Variants in SND1 observed in about 807,000 individuals in gnomAD.
The protein encoded by SND1 is staphylococcal nuclease and tudor domain containing 1, also known as staphylococcal nuclease domain-containing protein 1.
SND1 carries 38 observed loss-of-function variants against 121.7 expected under a neutral mutation model. That is an observed-to-expected ratio of 0.31 (90% CI 0.24 to 0.41). The LOEUF is 0.41. SND1 is among the 10% of genes least tolerant of loss of function. The probability of loss-of-function intolerance (pLI) is 1.00; values close to 1 mark genes in which losing one functional copy is unlikely to be tolerated. For synonymous variants in SND1, 401 were observed against 447.4 expected (o/e 0.90, Z 1.31); for missense variants, 868 against 1,184.6 (o/e 0.73, Z 3.92).
At chr7:127,678,149 G>A (rs1795646666) in intron 1 of SND1, among the ~76,000 whole-genome samples, 1 of 152,168 alleles carries the variant, frequency 6.6e-6, no homozygotes, top group Non-Finnish European at 1.5e-5. Flanking sequence ...GCTCCCAAAT[G>A]CTTGTTTGTA....
intron 22 of SND1, among the ~76,000 whole-genome samples, chr7:128,091,260 G>C (rs1043450394): frequency 1.3e-5 from 2 of 152,210 alleles, no homozygotes; most frequent in African/African-American, 2.4e-5. Flanking sequence ...ACCGGGTCTG[G>C]AGTACAATGG....
rs772889415 is a variant in SND1 at position 128,029,453 on chromosome 7, G to T, written c.1779+38397G>T. The T allele has an allele frequency of 1.2e-6, 2 of 1,614,206 alleles. No homozygotes were observed. The highest frequency in any genetic ancestry group is 1.7e-6 in the Non-Finnish European group (2 of 1,180,034). ...TGAGGACAGAGATCCTTGGGTGGCGGGAGGCGTGGCTGAGCACTGTCCCAT... is the reference window on the plus strand; with the variant it reads ...TGAGGACAGAGATCCTTGGGTGGCGTGAGGCGTGGCTGAGCACTGTCCCAT... On this transcript the variant is annotated intron_variant, in intron 16 of 23. Transcript: ENST00000354725. The surrounding 1 kb of genome is among the most constrained non-coding windows in gnomAD (Gnocchi z 4.2).
chr7:127,759,057 AATAGATAGATAGATAG>A (rs1289095272), intron 10 of SND1, among the ~76,000 whole-genome samples: 10 of 145,390 alleles, frequency 6.9e-5, no homozygotes, highest in Admixed American at 4.2e-4. Flanking sequence ...CTGTCTCAAA[AATAGATAGATAGATAG>A]ATAGATAGAT....
chr7:127,696,387 G>T (rs1228897153), intron 3 of SND1, among the ~76,000 whole-genome samples: 2 of 152,014 alleles, frequency 1.3e-5, no homozygotes, highest in Non-Finnish European at 2.9e-5. Flanking sequence ...GAAACCTAAG[G>T]CCTCTTTTCA....
rs754735489 is a variant in SND1 at position 127,707,571 on chromosome 7, G to A, written c.962G>A (p.Arg321His). ...TTTGTTGCCAGGTTTGCCAAAGAGC[G>A]CAGGCTGAGAATATGGAGAGACTAT... ...LRAAERFAKE[R>H]RLRIWRDYVA... Residue 321 changes from arginine (R) to histidine (H), a missense_variant, in exon 9 of 24, where the codon CGC (arginine) becomes CAC (histidine). Arg to His is a conservative substitution (Grantham distance 29). Around this residue, in one of 2 missense-constraint regions of SND1, gnomAD observed 743 missense variants for 1,071.3 expected, o/e 0.69. Coordinates refer to ENST00000354725, the MANE Select transcript of SND1 (RefSeq NM_014390.4). The A allele has an allele frequency of 1.1e-5, 18 of 1,613,904 alleles. No individual in the cohort carries two copies. Among genetic ancestry groups the A allele is most frequent in the East Asian group, 8.9e-5 (4 of 44,894 alleles).
Position 128,014,354 on chromosome 7 carries a change from C to T in SND1, c.1779+23298C>T, listed in dbSNP as rs370088502. Among the ~76,000 whole-genome samples the T allele has an allele frequency of 3.3e-5, 5 of 152,244 alleles. No homozygotes were observed. In the East Asian group the frequency reaches 7.7e-4, roughly 23 times the overall value. On this transcript the variant is annotated intron_variant, in intron 16 of 23. Transcript: ENST00000354725. ...CATTGAAGGAAGTCCTGTCACCACC[C>T]CTAGAGATTGCAAGGTATTTGATAT...
intron 18 of SND1, chr7:128,081,838 A>G (rs1793607544): frequency 3.6e-6 from 2 of 555,138 alleles, no homozygotes; most frequent in South Asian, 1.4e-5. Context: ...ACCCCTGGCT[A>G]TGCTGGGCAG....
At chr7:127,926,660 C>G (rs532673451) in intron 14 of SND1, among the ~76,000 whole-genome samples, 58 of 143,904 alleles carry the variant, frequency 4.0e-4, no homozygotes, top group Admixed American at 7.4e-4. Context: ...TCATACCATT[C>G]TCCTGCCTCA....
chr7:127,900,944 C>T (rs1227290704), intron 13 of SND1, among the ~76,000 whole-genome samples: 5 of 152,152 alleles, frequency 3.3e-5, no homozygotes, highest in Admixed American at 6.5e-5. Context: ...TGTGAGGAAG[C>T]GGCTGTTAAG....
chr7:127,717,108 A>C (rs189860810), intron 9 of SND1, among the ~76,000 whole-genome samples: 155 of 152,338 alleles, frequency 1.0e-3, no homozygotes, highest in Non-Finnish European at 1.9e-3. Context: ...CAGAAAAATT[A>C]AGCAGGTAGC....
chr7:127,774,343 A>T (rs1273198532), intron 10 of SND1, among the ~76,000 whole-genome samples: 2 of 152,224 alleles, frequency 1.3e-5, no homozygotes, highest in Non-Finnish European at 2.9e-5. Flanking sequence ...AAAGTAAAAA[A>T]GTTATAGTAA....
chr7:127,726,326 G>A (rs754226275), intron 10 of SND1, among the ~76,000 whole-genome samples: 23 of 152,170 alleles, frequency 1.5e-4, no homozygotes, highest in African/African-American at 3.1e-4. Context: ...TGATGTTGAC[G>A]GTGTTTCTGT....
At chr7:127,973,603 C>A (rs532761595) in intron 15 of SND1, among the ~76,000 whole-genome samples, 1 of 152,272 alleles carries the variant, frequency 6.6e-6, no homozygotes, top group Admixed American at 6.5e-5. Context: ...GAGGTGGTCT[C>A]TAACATCTCT....
intron 8 of SND1, among the ~76,000 whole-genome samples, chr7:127,706,480 G>C (rs535997148): frequency 5.3e-5 from 8 of 151,898 alleles, no homozygotes; most frequent in Non-Finnish European, 1.5e-5. Context: ...GGATGGTCTC[G>C]ATCTCCTGAC....
At chr7:127,770,356 A>G (rs966970410) in intron 10 of SND1, among the ~76,000 whole-genome samples, 5 of 152,208 alleles carry the variant, frequency 3.3e-5, no homozygotes, top group Non-Finnish European at 7.3e-5. Flanking sequence ...AATAACATTC[A>G]AAGGATGAAA....
At chr7:127,714,780 A>G (rs1295584241) in intron 9 of SND1, among the ~76,000 whole-genome samples, 1 of 152,328 alleles carries the variant, frequency 6.6e-6, no homozygotes, top group East Asian at 1.9e-4. Context: ...TTCATTTAGC[A>G]TAGTGTCCTC....
At chr7:127,893,575 G>A (rs889478394) in intron 13 of SND1, among the ~76,000 whole-genome samples, 4 of 152,098 alleles carry the variant, frequency 2.6e-5, no homozygotes, top group African/African-American at 9.7e-5. Flanking sequence ...CAGCCTGACT[G>A]TAGGAAAGCA....
chr7:127,986,781 C>T (rs1802401254), intron 15 of SND1, among the ~76,000 whole-genome samples: 2 of 152,232 alleles, frequency 1.3e-5, no homozygotes, highest in Admixed American at 6.5e-5. Flanking sequence ...TCTTACCTGC[C>T]TCTCCTGTGC....
intron 1 of SND1, among the ~76,000 whole-genome samples, chr7:127,674,775 CT>C (rs769229126): frequency 3.0e-4 from 46 of 152,286 alleles, no homozygotes; most frequent in Non-Finnish European, 5.0e-4. Flanking sequence ...TTTTAAACTT[CT>C]TGGAAGGCTT....
Sources: allele counts gnomAD v4.1 joint callset (sites outside exome capture counted in the v4.1 genomes callset), GRCh38; gene constraint gnomAD v4.1.1; regional missense constraint gnomAD v4.1.1; non-coding constraint Gnocchi (gnomAD v3.1); transcripts MANE v1.5; gene names NCBI Gene and HGNC (gene_info 2026-07-23, HGNC 2026-07-21).